Variants in PRKAR1B observed in about 807,000 individuals in gnomAD.
PRKAR1B encodes the protein cAMP-dependent protein kinase type I-beta regulatory subunit.
In PRKAR1B, 22 loss-of-function variants were observed where a neutral mutation model predicts 46.5. The observed-to-expected ratio is 0.47, with a 90% CI of 0.34 to 0.68. The LOEUF (loss-of-function observed/expected upper bound fraction) is 0.68, where lower values mean the gene tolerates loss of function less well. Ranked by LOEUF, PRKAR1B falls within the 30% of genes least tolerant of loss-of-function variation. The probability of loss-of-function intolerance (pLI) is 0.01; values close to 1 mark genes in which losing one functional copy is unlikely to be tolerated. For missense variants in PRKAR1B, 445 were observed against 535.6 expected, an observed-to-expected ratio of 0.83 and a Z score of 1.67; for synonymous variants, 259 against 217.7, an observed-to-expected ratio of 1.19 and a Z score of -1.67.
At chr7:711,112 C>A (rs1479627136) in intron 2 of PRKAR1B, among the ~76,000 whole-genome samples, 4 of 152,158 alleles carry the variant, frequency 2.6e-5, no homozygotes, top group African/African-American at 7.2e-5. Context: ...CTCAGAGGAC[C>A]CCACCTAGAG....
At chr7:573,928 G>A (rs930577880) in intron 9 of PRKAR1B, among the ~76,000 whole-genome samples, 25 of 152,214 alleles carry the variant, frequency 1.6e-4, no homozygotes, top group African/African-American at 4.3e-4. Flanking sequence ...TCCCCCCGCC[G>A]GGGTGCGGTT....
intron 4 of PRKAR1B, among the ~76,000 whole-genome samples, chr7:653,904 T>A (rs1414128292): frequency 6.6e-6 from 1 of 151,026 alleles, no homozygotes; most frequent in Non-Finnish European, 1.5e-5. Flanking sequence ...ACTACCATCA[T>A]CACCATCACC....
intron 1 of PRKAR1B, 43 bp from the exon 2 acceptor site, chr7:711,570 G>A (rs567651621): frequency 7.7e-6 from 12 of 1,560,944 alleles, no homozygotes; most frequent in Admixed American, 1.8e-5. Context: ...AGAGCTGCCC[G>A]GGGCTGCGCG....
At chr7:587,697 G>C (rs746041536) in intron 7 of PRKAR1B, among the ~76,000 whole-genome samples, 9 of 152,224 alleles carry the variant, frequency 5.9e-5, no homozygotes, top group South Asian at 2.1e-4. Context: ...AGTGAGCATA[G>C]GGGAGGCAGT....
chr7:562,448 A>T (rs1233804902), intron 9 of PRKAR1B, among the ~76,000 whole-genome samples: 1 of 152,188 alleles, frequency 6.6e-6, no homozygotes, highest in Non-Finnish European at 1.5e-5. Context: ...CTCCTCCCAG[A>T]CGACGGCAGA....
intron 9 of PRKAR1B, among the ~76,000 whole-genome samples, chr7:563,516 G>A (rs1004203374): frequency 1.3e-5 from 2 of 152,272 alleles, no homozygotes; most frequent in African/African-American, 2.4e-5. Flanking sequence ...TTCAGCCTCT[G>A]CAACCTCTGC....
intron 4 of PRKAR1B, among the ~76,000 whole-genome samples, chr7:614,167 C>T (rs567981811): frequency 2.0e-5 from 3 of 152,378 alleles, no homozygotes; most frequent in Non-Finnish European, 4.4e-5. Flanking sequence ...TTCGGACTCA[C>T]AGGAAGCCTC....
At chr7:664,805 T>C (rs1184309688) in intron 4 of PRKAR1B, among the ~76,000 whole-genome samples, 1 of 150,942 alleles carries the variant, frequency 6.6e-6, no homozygotes, top group Admixed American at 6.6e-5. Flanking sequence ...CCCCAGCTAG[T>C]CGGGAGGCTG....
chr7:579,520 T>A, intron 8 of PRKAR1B, 143 bp from the exon 9 acceptor site: 1 of 1,122,784 alleles, frequency 8.9e-7, no homozygotes, highest in Non-Finnish European at 1.2e-6. Context: ...CTGCATAAGA[T>A]GAGGCCGTGA....
chr7:674,371 T>C (rs1437302923), intron 4 of PRKAR1B, among the ~76,000 whole-genome samples: 1 of 151,470 alleles, frequency 6.6e-6, no homozygotes, highest in African/African-American at 2.4e-5. Context: ...CCAGCTACTC[T>C]AGCCACATCT....
chr7:719,997 T>G (rs1583461054), intron 1 of PRKAR1B, among the ~76,000 whole-genome samples: 1 of 152,034 alleles, frequency 6.6e-6, no homozygotes, highest in African/African-American at 2.4e-5. Flanking sequence ...TGCTATCTGC[T>G]GTTGATGGTA....
chr7:654,805 T>C (rs957155315), intron 4 of PRKAR1B, among the ~76,000 whole-genome samples: 16 of 151,964 alleles, frequency 1.1e-4, no homozygotes, highest in African/African-American at 3.9e-4. Context: ...TCACCATTTT[T>C]ATCACCATTA....
chr7:631,844 C>G (rs1056988498), intron 4 of PRKAR1B, among the ~76,000 whole-genome samples: 2 of 152,002 alleles, frequency 1.3e-5, no homozygotes, highest in Non-Finnish European at 2.9e-5. Flanking sequence ...GTAGTCCCAG[C>G]TACTCGGGAG....
Position 607,374 on chromosome 7 carries a change from G to A in PRKAR1B, c.502+17C>T. ...TTCCCCTCTGGACTTTGGCTCCGAG[G>A]AGCAGGCAGAACGTACCTTGCTGTA... On this transcript the variant is annotated intron_variant, in intron 5 of 10. Transcript: ENST00000537384. 2 of 1,610,488 alleles carry A rather than the reference G, an allele frequency of 1.2e-6. No homozygotes were observed. The highest frequency in any genetic ancestry group is 1.7e-6 in the Non-Finnish European group (2 of 1,177,088).
chr7:613,357 G>A (rs1274032671), intron 4 of PRKAR1B, among the ~76,000 whole-genome samples: 7 of 151,420 alleles, frequency 4.6e-5, no homozygotes, highest in Admixed American at 1.3e-4. Flanking sequence ...AACACGACAC[G>A]TACGCTTAAG....
chr7:576,668 C>T (rs1021589876), intron 9 of PRKAR1B, among the ~76,000 whole-genome samples: 1 of 151,654 alleles, frequency 6.6e-6, no homozygotes, highest in Non-Finnish European at 1.5e-5. Context: ...CAGCAGAAAT[C>T]TCCCGGCATC....
chr7:714,323 G>A lies in PRKAR1B; in HGVS notation c.-22-2796C>T, dbSNP rs965272634. Among the ~76,000 whole-genome samples, 2 of 152,186 alleles carry A rather than the reference G, an allele frequency of 1.3e-5. No individual in the cohort carries two copies. Among genetic ancestry groups the A allele is most frequent in the East Asian group, 3.8e-4 (2 of 5,196 alleles). ...CCTCTCTGGCTGACCTCACAGGACAGCCCTCTGATCCCGAGGCGCACACAC... is the reference window on the plus strand; with the variant it reads ...CCTCTCTGGCTGACCTCACAGGACAACCCTCTGATCCCGAGGCGCACACAC... On this transcript the variant is annotated intron_variant, in intron 1 of 10. Transcript: ENST00000537384. The surrounding 1 kb of genome is among the most constrained non-coding windows in gnomAD (Gnocchi z 4.3).
At chr7:591,122 C>T (rs1780949342) in intron 7 of PRKAR1B, among the ~76,000 whole-genome samples, 1 of 152,292 alleles carries the variant, frequency 6.6e-6, no homozygotes, top group South Asian at 2.1e-4. Flanking sequence ...AAGCCTCGTG[C>T]ACCCGTCCAT....
At chr7:635,944 A>G (rs75444260) in intron 4 of PRKAR1B, among the ~76,000 whole-genome samples, 9,373 of 108,786 alleles carry the variant, frequency 0.086, 634 homozygotes, top group South Asian at 0.19. Flanking sequence ...GCGCCCACAC[A>G]TCCTCCACCG....
Sources: allele counts gnomAD v4.1 joint callset (sites outside exome capture counted in the v4.1 genomes callset), GRCh38; gene constraint gnomAD v4.1.1; non-coding constraint Gnocchi (gnomAD v3.1); transcripts MANE v1.5; gene names NCBI Gene and HGNC (gene_info 2026-07-23, HGNC 2026-07-21).